Variants in LRGUK observed in about 807,000 individuals in gnomAD.
The protein encoded by LRGUK is leucine rich repeats and guanylate kinase domain containing.
A neutral mutation model predicts 76.0 loss-of-function variants in LRGUK; 65 were observed. The observed-to-expected ratio is 0.85, with a 90% CI of 0.70 to 1.05. The LOEUF (loss-of-function observed/expected upper bound fraction) is 1.05. LRGUK is among the 50% of genes least tolerant of loss of function. LRGUK has a pLI of 0.00. For missense variants in LRGUK, 758 were observed against 732.8 expected, an observed-to-expected ratio of 1.03 and a Z score of -0.40; for synonymous variants, 268 against 265.6, an observed-to-expected ratio of 1.01 and a Z score of -0.09.
chr7:134,178,159 A>G (rs1184925766), intron 9 of LRGUK, among the ~76,000 whole-genome samples: 1 of 152,168 alleles, frequency 6.6e-6, no homozygotes, highest in African/African-American at 2.4e-5. Context: ...AATGTTTACT[A>G]TATTCAAAGT....
Position 134,139,473 on chromosome 7 carries a change from AT to A in LRGUK, c.444del (p.Tyr148Ter). 3.1e-6 allele frequency: 5 copies of A among 1,610,830 alleles called. No individual in the cohort carries two copies. The South Asian group carries it at 5.5e-5, about 18-fold the overall frequency. On this transcript the variant is annotated frameshift_variant, in exon 3 of 16. Transcript: ENST00000645682. LOFTEE classifies it high-confidence loss of function. Reference sequence around the variant, plus strand: ...ATTGATGTTAGCATTCTCTGTGGATATGTTCATCTACAGAAGTTGGATCTTT... The same window carrying A: ...ATTGATGTTAGCATTCTCTGTGGATAGTTCATCTACAGAAGTTGGATCTTT...
intron 16 of LRGUK, among the ~76,000 whole-genome samples, chr7:134,230,710 A>C (rs997951329): frequency 6.6e-6 from 1 of 152,230 alleles, no homozygotes; most frequent in African/African-American, 2.4e-5. Context: ...AGTTGAACTA[A>C]AGAATTCTAA....
At chr7:134,247,362 T>A (rs2598263) in intron 16 of LRGUK, among the ~76,000 whole-genome samples, 194 bp from the exon 17 acceptor site, 12,097 of 152,230 alleles carry the variant, frequency 0.079, 1,184 homozygotes, top group African/African-American at 0.23. Context: ...TCTTTATAAA[T>A]ATACTTTGGC....
chr7:134,269,339 T>C (rs1585618181), downstream of LRGUK, among the ~76,000 whole-genome samples: 1 of 148,834 alleles, frequency 6.7e-6, no homozygotes, highest in African/African-American at 2.5e-5. Flanking sequence ...ATACTCTATA[T>C]GATTTCAATT....
At chr7:134,191,859 G>A in intron 12 of LRGUK, 108 bp downstream of exon 12, 2 of 710,228 alleles carry the variant, frequency 2.8e-6, no homozygotes, top group Non-Finnish European at 2.2e-6. Context: ...TTTTGTGCTT[G>A]TTATGAGAGG....
chr7:134,152,159 T>C (rs1798247480), intron 5 of LRGUK, among the ~76,000 whole-genome samples: 1 of 152,060 alleles, frequency 6.6e-6, no homozygotes, highest in South Asian at 2.1e-4. Context: ...TATAAAGTAC[T>C]ATAAATAATA....
chr7:134,245,837 A>AAT (rs1379644504), intron 16 of LRGUK, among the ~76,000 whole-genome samples: 1 of 152,174 alleles, frequency 6.6e-6, no homozygotes. Context: ...AGACTTGGTT[A>AAT]ATATATAGTT....
At chr7:134,138,370 A>T (rs1271542337) in intron 2 of LRGUK, among the ~76,000 whole-genome samples, 1 of 152,194 alleles carries the variant, frequency 6.6e-6, no homozygotes, top group Non-Finnish European at 1.5e-5. Flanking sequence ...TGTCTTACTG[A>T]ATACACTTTC....
At chr7:134,131,786 C>T (rs182814080) in intron 1 of LRGUK, among the ~76,000 whole-genome samples, 16 of 152,048 alleles carry the variant, frequency 1.1e-4, no homozygotes, top group Admixed American at 2.6e-4. Flanking sequence ...TGGAGCTATG[C>T]GTTAAGGAGT....
chr7:134,210,619 G>A (rs1259164418), downstream of LRGUK, among the ~76,000 whole-genome samples: 2 of 152,212 alleles, frequency 1.3e-5, no homozygotes, highest in East Asian at 1.9e-4. Context: ...AGGATAGCTC[G>A]GCTCCTGTGG....
At chr7:134,158,052 A>G (rs1349219195) in exon 6 of LRGUK, 2 of 1,612,664 alleles carry the variant, frequency 1.2e-6, no homozygotes, top group South Asian at 2.2e-5. Context: ...GATAGAAGAA[A>G]TCAGTGGACT....
At chr7:134,255,031 A>G (rs937803364) in intron 18 of LRGUK, among the ~76,000 whole-genome samples, 1 of 152,178 alleles carries the variant, frequency 6.6e-6, no homozygotes, top group Non-Finnish European at 1.5e-5. Flanking sequence ...TACTTTTATA[A>G]TGAGAAGCAA....
At position 134,201,500 on chromosome 7, in the gene LRGUK, C is replaced by A. The variant is rs1457577831; in HGVS notation, c.1767C>A (p.Tyr589Ter). 6.8e-6 allele frequency: 11 copies of A among 1,613,856 alleles called. No homozygotes were observed. The highest frequency in any genetic ancestry group is 9.3e-6 in the Non-Finnish European group (11 of 1,179,860). ...CTGCAGATGATCTGGATGTTGCCTA[C>A]CAAAAACTGAGTCAGCTCATTAGAG... The change falls in exon 15 of 16, where the codon TAC (tyrosine) becomes TAA (stop). Residue 589 changes from tyrosine to a stop codon, truncating the protein, a stop_gained. Transcript: ENST00000645682. LOFTEE classifies it high-confidence loss of function.
chr7:134,185,211 C>A (rs899247831), intron 11 of LRGUK, among the ~76,000 whole-genome samples: 9 of 152,074 alleles, frequency 5.9e-5, no homozygotes, highest in South Asian at 2.1e-4. Context: ...AAACAAAAAA[C>A]CAAAAACAAA....
At chr7:134,205,381 C>T (rs1379842250) in intron 15 of LRGUK, among the ~76,000 whole-genome samples, 1 of 152,126 alleles carries the variant, frequency 6.6e-6, no homozygotes. Flanking sequence ...ATCAGCACTC[C>T]CCAGGAAGGG....
At chr7:134,189,260 AG>A (rs1800099920) in intron 11 of LRGUK, among the ~76,000 whole-genome samples, 1 of 152,230 alleles carries the variant, frequency 6.6e-6, no homozygotes, top group South Asian at 2.1e-4. Context: ...GATTTAGACA[AG>A]GGAAAAGAAG....
intron 15 of LRGUK, among the ~76,000 whole-genome samples, chr7:134,202,971 G>A (rs1800843508): frequency 6.6e-6 from 1 of 152,158 alleles, no homozygotes; most frequent in Non-Finnish European, 1.5e-5. Flanking sequence ...TTGGGAGGCC[G>A]AGGTGGGCAG....
intron 5 of LRGUK, among the ~76,000 whole-genome samples, chr7:134,149,663 A>G (rs1411789039): frequency 6.6e-6 from 1 of 152,200 alleles, no homozygotes; most frequent in East Asian, 1.9e-4. Flanking sequence ...GAAAGTGACC[A>G]ATATAACATG....
chr7:134,134,245 A>G (rs558406669), intron 1 of LRGUK, among the ~76,000 whole-genome samples: 32 of 152,156 alleles, frequency 2.1e-4, no homozygotes, highest in Admixed American at 5.2e-4. Context: ...CAATTGTGGG[A>G]TTAGAGAGAA....
Sources: gnomAD v4.1 joint callset for allele counts (sites outside exome capture counted in the v4.1 genomes callset) on GRCh38, gnomAD v4.1.1 for gene constraint, MANE v1.5 for transcripts, NCBI Gene and HGNC (gene_info 2026-07-23, HGNC 2026-07-21) for gene names.